MYO1D: variants seen among roughly 807,000 people sequenced by gnomAD.
MYO1D encodes the protein unconventional myosin-Id.
Under a neutral mutation model 122.0 loss-of-function variants are expected in MYO1D, and 83 were observed. That is an observed-to-expected ratio of 0.68 (90% CI 0.57 to 0.82). The LOEUF is 0.82. Among genes scored for constraint, MYO1D ranks in the 40% least tolerant of loss-of-function variants. The pLI, the probability that MYO1D is intolerant of heterozygous loss-of-function variation, is 0.00. For synonymous variants in MYO1D, 464 were observed against 446.9 expected (o/e 1.04, Z -0.48); for missense variants, 1,157 against 1,269.5 (o/e 0.91, Z 1.35).
intron 20 of MYO1D, among the ~76,000 whole-genome samples, chr17:32,632,904 G>A (rs2088041221): frequency 6.6e-6 from 1 of 151,916 alleles, no homozygotes; most frequent in Non-Finnish European, 1.5e-5. Flanking sequence ...ATGGACACTC[G>A]GTTTATGACA....
intron 1 of MYO1D, among the ~76,000 whole-genome samples, chr17:32,807,011 T>C (rs2090520370): frequency 6.6e-6 from 1 of 152,220 alleles, no homozygotes; most frequent in South Asian, 2.1e-4. Flanking sequence ...ATACATATTA[T>C]ATACACACAT....
At chr17:32,865,641 A>G (rs145813501) in intron 1 of MYO1D, among the ~76,000 whole-genome samples, 6 of 152,338 alleles carry the variant, frequency 3.9e-5, no homozygotes, top group African/African-American at 1.4e-4. Flanking sequence ...GAATAGCTTT[A>G]CTAGAGTTAA....
chr17:32,687,345 T>C lies in MYO1D; in HGVS notation c.2121+24643A>G, dbSNP rs189099508. ...CCAAGTAGCTGGGACTCCAGGCACCTGCCACCACGCCCGGCTAATTTTTTG... is the reference window on the plus strand; with the variant it reads ...CCAAGTAGCTGGGACTCCAGGCACCCGCCACCACGCCCGGCTAATTTTTTG... On this transcript the variant is annotated intron_variant, in intron 16 of 21. Transcript: ENST00000318217. Among the ~76,000 whole-genome samples the C allele has an allele frequency of 3.0e-3, 457 of 152,124 alleles. 16 individuals are homozygous for C. Among genetic ancestry groups the C allele is most frequent in the Admixed American group, 0.028 (427 of 15,280 alleles).
intron 21 of MYO1D, among the ~76,000 whole-genome samples, chr17:32,601,823 G>A (rs892590840): frequency 2.0e-5 from 3 of 152,188 alleles, no homozygotes; most frequent in Non-Finnish European, 4.4e-5. Context: ...GTAAGACGAG[G>A]TATACCTGTA....
intron 14 of MYO1D, among the ~76,000 whole-genome samples, chr17:32,731,926 G>A (rs2089644351): frequency 6.6e-6 from 1 of 152,242 alleles, no homozygotes; most frequent in Non-Finnish European, 1.5e-5. Context: ...CCCTGCCCCT[G>A]TTGGCTTGGA....
At chr17:32,607,850 T>A (rs539537025) in intron 20 of MYO1D, among the ~76,000 whole-genome samples, 1 of 151,648 alleles carries the variant, frequency 6.6e-6, no homozygotes, top group South Asian at 2.1e-4. Flanking sequence ...ATATGGCCAA[T>A]AATTTTTTCA....
intron 1 of MYO1D, among the ~76,000 whole-genome samples, chr17:32,855,165 T>C (rs2091017842): frequency 6.6e-6 from 1 of 152,222 alleles, no homozygotes; most frequent in Non-Finnish European, 1.5e-5. Context: ...TCCTCCATGA[T>C]TTCCTTGAGG....
intron 21 of MYO1D, among the ~76,000 whole-genome samples, chr17:32,549,590 G>A (rs762021065): frequency 2.6e-5 from 4 of 152,266 alleles, no homozygotes; most frequent in South Asian, 2.1e-4. Context: ...CATAGCTAAC[G>A]TTTGGAGAGG....
At chr17:32,693,773 G>A (rs1021601759) in intron 16 of MYO1D, among the ~76,000 whole-genome samples, 4 of 152,094 alleles carry the variant, frequency 2.6e-5, no homozygotes, top group African/African-American at 7.2e-5. Flanking sequence ...TGTCTGAGAG[G>A]AGATAAATAA....
chr17:32,521,703 A>C (rs1407684192), intron 21 of MYO1D, among the ~76,000 whole-genome samples: 3 of 152,116 alleles, frequency 2.0e-5, no homozygotes, highest in Non-Finnish European at 4.4e-5. Context: ...TAATCTCAGC[A>C]CTTTGGGAGG....
At position 32,877,021 on chromosome 17, in the gene MYO1D, C is replaced by T. The variant is rs1010400145; in HGVS notation, c.-149G>A. 2.1e-4 allele frequency: 63 copies of T among 293,482 alleles called. No homozygotes were observed. The highest frequency in any genetic ancestry group is 3.2e-4 in the Non-Finnish European group (53 of 166,438). 18.2% of individuals were successfully genotyped at this position (293,482 alleles called of 1,614,324 possible). Reference sequence around the variant, plus strand: ...CGCCGCTCGGCGGGTCCGGGCCGGACAGAGGCCGCCTCGCTGCTCCTCGGC... The same window carrying T: ...CGCCGCTCGGCGGGTCCGGGCCGGATAGAGGCCGCCTCGCTGCTCCTCGGC... On this transcript the variant is annotated 5_prime_UTR_variant, in exon 1 of 22. Transcript: ENST00000318217.
chr17:32,555,158 T>C (rs1000026813), intron 21 of MYO1D, among the ~76,000 whole-genome samples: 1 of 152,084 alleles, frequency 6.6e-6, no homozygotes, highest in Non-Finnish European at 1.5e-5. Flanking sequence ...GCAGGGCTTG[T>C]CGAATAAATG....
At chr17:32,716,649 T>C (rs1020060988) in intron 15 of MYO1D, among the ~76,000 whole-genome samples, 1 of 152,266 alleles carries the variant, frequency 6.6e-6, no homozygotes, top group Non-Finnish European at 1.5e-5. Flanking sequence ...TCAAATTTGT[T>C]ACACCAAACT....
At chr17:32,705,039 T>A (rs1014468656) in intron 16 of MYO1D, among the ~76,000 whole-genome samples, 1 of 152,098 alleles carries the variant, frequency 6.6e-6, no homozygotes, top group African/African-American at 2.4e-5. Context: ...AAAAAAGAGA[T>A]CTTTCTACTC....
rs557294520 is a variant in MYO1D, at chr17:32,724,179, C to T, written c.1747-2990G>A. On this transcript the variant is annotated intron_variant, in intron 14 of 21. Transcript: ENST00000318217. The stretch of plus-strand genomic sequence containing the variant: ...AGTTTGCTGGAATAGAATGCCTTTA[C>T]TTTTTGGTGAATAAACCAAGAAAAG... Among the ~76,000 whole-genome samples the T allele has an allele frequency of 2.3e-3, 343 of 152,242 alleles. 1 individual carries two copies. The highest frequency in any genetic ancestry group is 4.0e-3 in the Non-Finnish European group (269 of 68,008).
rs1413702339 is a variant in MYO1D, at chr17:32,876,950, G to C, written c.-78C>G. ...GTGGGCCCGCGATGAGCTCGGGAGGGGCCGGGGCGAGGCCGCGCCGCGAGG... is the reference window on the plus strand; with the variant it reads ...GTGGGCCCGCGATGAGCTCGGGAGGCGCCGGGGCGAGGCCGCGCCGCGAGG... On this transcript the variant is annotated 5_prime_UTR_variant, in exon 1 of 22. Transcript: ENST00000318217. The C allele has an allele frequency of 1.1e-6, 1 of 878,254 alleles. No individual in the cohort carries two copies. Among genetic ancestry groups the C allele is most frequent in the Non-Finnish European group, 1.5e-6 (1 of 662,078 alleles). 54.4% of individuals were successfully genotyped at this position (878,254 alleles called of 1,614,324 possible). A position where few individuals can be genotyped will look rare whatever the true frequency, so the allele number is the denominator to read the frequency against.
At chr17:32,842,673 CA>C (rs1419181454) in intron 1 of MYO1D, among the ~76,000 whole-genome samples, 2 of 152,086 alleles carry the variant, frequency 1.3e-5, no homozygotes, top group African/African-American at 4.8e-5. Context: ...AGGTGTCTTA[CA>C]TACCTTCTCC....
At chr17:32,623,622 A>T (rs2087881636) in intron 20 of MYO1D, among the ~76,000 whole-genome samples, 1 of 152,246 alleles carries the variant, frequency 6.6e-6, no homozygotes, top group Non-Finnish European at 1.5e-5. Flanking sequence ...TTAATTTTTG[A>T]TACAGATACG....
intron 16 of MYO1D, among the ~76,000 whole-genome samples, chr17:32,673,090 C>CATTTTTTTTT (rs2088745716): frequency 3.5e-5 from 1 of 28,628 alleles, no homozygotes; most frequent in Non-Finnish European, 8.5e-5. Context: ...AAACATGCTA[C>CATTTTTTTTT]TTTTTTTTTT....
Sources: gnomAD v4.1 joint callset for allele counts (sites outside exome capture counted in the v4.1 genomes callset) on GRCh38, gnomAD v4.1.1 for gene constraint, MANE v1.5 for transcripts, NCBI Gene and HGNC (gene_info 2026-07-23, HGNC 2026-07-21) for gene names.